The following PCDH9 variants were observed in gnomAD, a reference collection of about 807,000 sequenced individuals.
The protein encoded by PCDH9 is protocadherin 9.
A neutral mutation model predicts 70.6 loss-of-function variants in PCDH9; 24 were observed. The ratio of observed to expected loss-of-function variants is 0.34; its 90% confidence interval spans 0.25 to 0.48. PCDH9 has a LOEUF of 0.48. PCDH9 is among the 20% of genes least tolerant of loss of function. The pLI is 0.99. For synonymous variants in PCDH9, 562 were observed against 558.5 expected, an observed-to-expected ratio of 1.01 and a Z score of -0.09; for missense variants, 1,281 against 1,503.6, an observed-to-expected ratio of 0.85 and a Z score of 2.45.
intron 2 of PCDH9, among the ~76,000 whole-genome samples, chr13:66,974,068 A>G (rs993576598): frequency 6.6e-6 from 1 of 151,994 alleles, no homozygotes; most frequent in Non-Finnish European, 1.5e-5. Flanking sequence ...GAACTCACCT[A>G]CGCTTCCCTC....
At chr13:66,546,621 C>G (rs1489772505) in intron 4 of PCDH9, among the ~76,000 whole-genome samples, 1 of 151,948 alleles carries the variant, frequency 6.6e-6, no homozygotes, top group Non-Finnish European at 1.5e-5. Context: ...GAGAAAGAAA[C>G]AATTAATATA....
At chr13:67,144,977 A>G (rs1338799881) in intron 2 of PCDH9, among the ~76,000 whole-genome samples, 1 of 151,998 alleles carries the variant, frequency 6.6e-6, no homozygotes, top group African/African-American at 2.4e-5. Flanking sequence ...AAACCACTCA[A>G]ATTGTTCTAT....
intron 3 of PCDH9, among the ~76,000 whole-genome samples, chr13:66,800,442 A>G (rs1180569807): frequency 5.3e-5 from 8 of 152,100 alleles, no homozygotes; most frequent in South Asian, 2.1e-4. Flanking sequence ...CTGAAAATAT[A>G]TGATACATAT....
chr13:66,561,878 C>T (rs1389985642), intron 4 of PCDH9, among the ~76,000 whole-genome samples: 1 of 152,102 alleles, frequency 6.6e-6, no homozygotes, highest in Non-Finnish European at 1.5e-5. Flanking sequence ...GGTCCTCTTC[C>T]ACACTGTGGA....
chr13:66,880,629 T>G (rs1363893493), intron 3 of PCDH9, among the ~76,000 whole-genome samples: 3 of 152,192 alleles, frequency 2.0e-5, no homozygotes, highest in Non-Finnish European at 4.4e-5. Flanking sequence ...ATGAATAATC[T>G]TAATTGACTT....
intron 2 of PCDH9, among the ~76,000 whole-genome samples, chr13:67,032,393 A>G (rs1467857259): frequency 6.6e-6 from 1 of 151,904 alleles, no homozygotes; most frequent in Non-Finnish European, 1.5e-5. Flanking sequence ...CAAACATATC[A>G]ACTCAAGCCA....
At chr13:67,107,214 A>G (rs2086564530) in intron 2 of PCDH9, among the ~76,000 whole-genome samples, 1 of 150,912 alleles carries the variant, frequency 6.6e-6, no homozygotes, top group Non-Finnish European at 1.5e-5. Flanking sequence ...CCCATGGGCC[A>G]ATCAACACGC....
chr13:66,496,994 C>T (rs1959127357), intron 4 of PCDH9, among the ~76,000 whole-genome samples: 1 of 152,106 alleles, frequency 6.6e-6, no homozygotes, highest in Admixed American at 6.6e-5. Context: ...TCCTCCCGAC[C>T]CCTAAAATCC....
chr13:67,148,235 T>C (rs1442884795), intron 2 of PCDH9, among the ~76,000 whole-genome samples: 4 of 151,924 alleles, frequency 2.6e-5, no homozygotes, highest in African/African-American at 9.7e-5. Flanking sequence ...ATTACATTAA[T>C]TGGAATTTGT....
intron 2 of PCDH9, among the ~76,000 whole-genome samples, chr13:67,054,926 C>T (rs1269333192): frequency 1.3e-5 from 2 of 152,130 alleles, no homozygotes; most frequent in African/African-American, 4.8e-5. Flanking sequence ...ATATGTTGGG[C>T]TGGGCAAATA....
chr13:66,573,400 TTTC>T (rs2076763759), intron 4 of PCDH9, among the ~76,000 whole-genome samples: 1 of 152,110 alleles, frequency 6.6e-6, no homozygotes, highest in Non-Finnish European at 1.5e-5. Flanking sequence ...CGGTTGATTG[TTTC>T]TTTTGTTACT....
intron 4 of PCDH9, among the ~76,000 whole-genome samples, chr13:66,576,797 A>C (rs949617807): frequency 9.9e-5 from 15 of 152,128 alleles, no homozygotes; most frequent in African/African-American, 2.4e-4. Context: ...ACTAGATGCA[A>C]TACATTGCCT....
intron 4 of PCDH9, among the ~76,000 whole-genome samples, chr13:66,532,921 A>C (rs1034571628): frequency 6.6e-6 from 1 of 152,196 alleles, no homozygotes; most frequent in East Asian, 1.9e-4. Flanking sequence ...ATTTTCTAAA[A>C]AATGGCTTAA....
chr13:67,219,366 C>G (rs1308578484), intron 2 of PCDH9: 1 of 152,008 alleles, frequency 6.6e-6, no homozygotes, highest in African/African-American at 2.4e-5. Context: ...GTGTTCCTTT[C>G]TAAATGAAAT....
At chr13:67,031,785 C>T (rs1226467787) in intron 2 of PCDH9, among the ~76,000 whole-genome samples, 6 of 151,978 alleles carry the variant, frequency 3.9e-5, no homozygotes, top group Non-Finnish European at 8.8e-5. Flanking sequence ...GAAACATTTG[C>T]CTTTCTAGCA....
At chr13:67,218,566 C>T (rs2089657934) in intron 2 of PCDH9, 1 of 152,112 alleles carries the variant, frequency 6.6e-6, no homozygotes, top group Admixed American at 6.6e-5. Context: ...GTGTAATACT[C>T]AAATGCAGAG....
chr13:66,419,897 G>A (rs952082083), intron 4 of PCDH9, among the ~76,000 whole-genome samples: 3 of 151,956 alleles, frequency 2.0e-5, no homozygotes, highest in Non-Finnish European at 4.4e-5. Flanking sequence ...ACCCCCTATG[G>A]AACCTAGCAA....
At chr13:67,177,946 A>G (rs549231887) in intron 2 of PCDH9, among the ~76,000 whole-genome samples, 2 of 152,168 alleles carry the variant, frequency 1.3e-5, no homozygotes, top group African/African-American at 2.4e-5. Context: ...CACTCCTAAG[A>G]TCAATCTTCT....
intron 2 of PCDH9, among the ~76,000 whole-genome samples, chr13:67,165,875 G>T (rs548437107): frequency 7.2e-5 from 11 of 152,250 alleles, no homozygotes; most frequent in African/African-American, 2.4e-4. Context: ...TGACTAGTTT[G>T]TTGATGTATG....
Sources: allele counts gnomAD v4.1 joint callset (sites outside exome capture counted in the v4.1 genomes callset), GRCh38; gene constraint gnomAD v4.1.1; transcripts MANE v1.5; gene names NCBI Gene and HGNC (gene_info 2026-07-23, HGNC 2026-07-21).